MTMR2: variants seen among roughly 807,000 people sequenced by gnomAD.
MTMR2 encodes myotubularin related protein 2.
MTMR2 carries 55 observed loss-of-function variants against 86.9 expected under a neutral mutation model. The ratio of observed to expected loss-of-function variants is 0.63; its 90% confidence interval spans 0.51 to 0.79. The LOEUF (loss-of-function observed/expected upper bound fraction) is 0.79, where lower values mean the gene tolerates loss of function less well. MTMR2 is among the 30% of genes least tolerant of loss of function. The pLI is 0.00. For synonymous variants in MTMR2, 241 were observed against 266.8 expected (o/e 0.90, Z 0.94); for missense variants, 659 against 772.3 (o/e 0.85, Z 1.74).
intron 7 of MTMR2, among the ~76,000 whole-genome samples, chr11:95,852,819 C>T (rs1864071050): frequency 6.6e-6 from 1 of 152,112 alleles, no homozygotes; most frequent in Non-Finnish European, 1.5e-5. Context: ...GGGCAGATCA[C>T]TAGAAGTCAG....
intron 1 of MTMR2, among the ~76,000 whole-genome samples, chr11:95,894,183 CCT>C (rs1865804772): frequency 1.3e-5 from 2 of 152,094 alleles, no homozygotes. Context: ...TCTTCCATGC[CCT>C]CTTTGTCCCA....
intron 2 of MTMR2, chr11:95,882,641 T>C (rs1865370645): frequency 6.6e-6 from 1 of 152,064 alleles, no homozygotes; most frequent in Non-Finnish European, 1.5e-5. Context: ...AGACAGATGG[T>C]TAAGAACAAA....
intron 2 of MTMR2, among the ~76,000 whole-genome samples, chr11:95,868,004 G>A (rs7358483): frequency 0.14 from 21,577 of 151,988 alleles, 2,093 homozygotes; most frequent in African/African-American, 0.27. Context: ...CAGTGGCTCA[G>A]CCTATGCTCT....
rs532882234 is a variant in MTMR2 at position 95,877,539 on chromosome 11, G to A, written c.186+10617C>T. The stretch of plus-strand genomic sequence containing the variant: ...GGGTTGAACTGTGCCCTCTAATAAC[G>A]TTGTTGAAGTCTAACCACCAGTGCC... On this transcript the variant is annotated intron_variant, in intron 2 of 14. Coordinates refer to ENST00000346299, the MANE Select transcript of MTMR2 (RefSeq NM_016156.6). Among the ~76,000 whole-genome samples, 23 of 151,956 alleles carry A rather than the reference G, an allele frequency of 1.5e-4. No homozygotes were observed. The South Asian group carries it at 2.7e-3, about 18-fold the overall frequency.
intron 2 of MTMR2, among the ~76,000 whole-genome samples, chr11:95,865,968 A>T (rs1231589491): frequency 6.6e-6 from 1 of 152,190 alleles, no homozygotes; most frequent in Non-Finnish European, 1.5e-5. Context: ...TAAAAGAGGT[A>T]TTATATCCTC....
chr11:95,909,614 C>T (rs929253817), intron 1 of MTMR2, among the ~76,000 whole-genome samples: 4 of 152,108 alleles, frequency 2.6e-5, no homozygotes, highest in Non-Finnish European at 5.9e-5. Context: ...CTCTCTAGAG[C>T]AGGAACTTCC....
intron 1 of MTMR2, among the ~76,000 whole-genome samples, chr11:95,909,990 T>C (rs1029931716): frequency 7.9e-5 from 12 of 152,082 alleles, no homozygotes; most frequent in African/African-American, 2.9e-4. Context: ...TGTCTTCATG[T>C]GCACTAGGAA....
intron 12 of MTMR2, among the ~76,000 whole-genome samples, chr11:95,838,987 G>C (rs1367589453): frequency 6.6e-6 from 1 of 151,872 alleles, no homozygotes; most frequent in Non-Finnish European, 1.5e-5. Flanking sequence ...CCAATTATAG[G>C]GCTGTACGTG....
chr11:95,842,041 T>C (rs1863570285), intron 11 of MTMR2, among the ~76,000 whole-genome samples: 1 of 152,220 alleles, frequency 6.6e-6, no homozygotes, highest in East Asian at 1.9e-4. Flanking sequence ...TACAGTGAAC[T>C]ACGGTCGCAT....
At chr11:95,857,527 A>T in intron 7 of MTMR2, 25 bp downstream of exon 7, 1 of 1,533,620 alleles carries the variant, frequency 6.5e-7, no homozygotes, top group South Asian at 1.1e-5. Flanking sequence ...AAAATACTAA[A>T]ATTGAAAGAG....
intron 6 of MTMR2, among the ~76,000 whole-genome samples, 187 bp from the exon 7 acceptor site, chr11:95,857,822 A>G (rs1323872449): frequency 1.3e-5 from 2 of 152,098 alleles, no homozygotes; most frequent in Non-Finnish European, 2.9e-5. Flanking sequence ...CATATTTTTA[A>G]GCATACAAAA....
chr11:95,881,440 T>C (rs1045240677), intron 2 of MTMR2, among the ~76,000 whole-genome samples: 9 of 149,782 alleles, frequency 6.0e-5, no homozygotes, highest in African/African-American at 2.3e-4. Flanking sequence ...AATTAACAGA[T>C]ATATTTGAAA....
intron 1 of MTMR2, among the ~76,000 whole-genome samples, chr11:95,904,372 A>G (rs1433747560): frequency 1.3e-5 from 2 of 152,158 alleles, no homozygotes; most frequent in East Asian, 3.8e-4. Context: ...AGAGATGTCT[A>G]TATGTCAGAG....
rs1006760927 is a variant in MTMR2 at position 95,848,028 on chromosome 11, T to C, written c.994-129A>G. 3.5e-5 allele frequency: 32 copies of C among 919,404 alleles called. No individual in the cohort carries two copies. The South Asian group carries it at 4.6e-4, about 13-fold the overall frequency. 57.0% of individuals were successfully genotyped at this position (919,404 alleles called of 1,614,324 possible). A position where few individuals can be genotyped will look rare whatever the true frequency, so the allele number is the denominator to read the frequency against. Reference sequence around the variant, plus strand: ...ACAAGGAAAACTCCACAGGAAAATGTGGATGGCTCAGGACAACTTATTTAG... The same window carrying C: ...ACAAGGAAAACTCCACAGGAAAATGCGGATGGCTCAGGACAACTTATTTAG... On this transcript the variant is annotated intron_variant, in intron 9 of 14. Coordinates refer to ENST00000346299, the MANE Select transcript of MTMR2 (RefSeq NM_016156.6).
chr11:95,893,284 C>G (rs914253125), intron 1 of MTMR2, among the ~76,000 whole-genome samples: 3 of 152,096 alleles, frequency 2.0e-5, no homozygotes, highest in Admixed American at 2.0e-4. Flanking sequence ...GTCATTACAC[C>G]TTGGACTTTA....
chr11:95,838,365 T>G (rs528582626), intron 12 of MTMR2, among the ~76,000 whole-genome samples, 158 bp from the exon 13 acceptor site: 1 of 152,150 alleles, frequency 6.6e-6, no homozygotes, highest in South Asian at 2.1e-4. Flanking sequence ...ATGGTTTTCT[T>G]TTCAAAAATC....
At chr11:95,881,012 C>T (rs1023913326) in intron 2 of MTMR2, among the ~76,000 whole-genome samples, 3 of 151,922 alleles carry the variant, frequency 2.0e-5, no homozygotes, top group East Asian at 1.9e-4. Flanking sequence ...TTCCTGATAT[C>T]GTAAGTCATA....
At position 95,849,817 on chromosome 11, in the gene MTMR2, AC is replaced by A. The variant is rs1863945291; in HGVS notation, c.849del (p.Cys284ValfsTer8). On this transcript the variant is annotated frameshift_variant, in exon 9 of 15. Coordinates refer to ENST00000346299, the MANE Select transcript of MTMR2 (RefSeq NM_016156.6). LOFTEE classifies it high-confidence loss of function. ...CTCACTCCAACCATGGGCTGGCTAC[AC>A]CGAGTGATTGTGGCTTGACTTTCAG... Reference protein sequence around the residue: ...IHPESQATITRCSQPMVGVSG... With the variant: ...IHPESQATITXCSQPMVGVSG... The A allele has an allele frequency of 6.2e-7, 1 of 1,614,048 alleles. No homozygotes were observed. The highest frequency in any genetic ancestry group is 8.5e-7 in the Non-Finnish European group (1 of 1,180,012).
intron 10 of MTMR2, 135 bp from the exon 11 acceptor site, chr11:95,845,294 A>AT (rs954112910): frequency 2.5e-6 from 2 of 812,448 alleles, no homozygotes; most frequent in Non-Finnish European, 4.0e-6. Context: ...CCTAAGAAGA[A>AT]TTTTTTTAAA....
Sources: gnomAD v4.1 joint callset for allele counts (sites outside exome capture counted in the v4.1 genomes callset) on GRCh38, gnomAD v4.1.1 for gene constraint, MANE v1.5 for transcripts, NCBI Gene and HGNC (gene_info 2026-07-23, HGNC 2026-07-21) for gene names.